Variants in GALNT13 observed in about 807,000 individuals in gnomAD.
GALNT13 encodes the protein UDP-GalNAc:polypeptide N-acetylgalactosaminyltransferase 13.
GALNT13 carries 28 observed loss-of-function variants against 64.2 expected under a neutral mutation model. The observed-to-expected ratio is 0.44, with a 90% CI of 0.32 to 0.60. The LOEUF is 0.60. Ranked by LOEUF, GALNT13 falls within the 20% of genes least tolerant of loss-of-function variation. The pLI is 0.05. For missense variants in GALNT13, 577 were observed against 669.8 expected, an observed-to-expected ratio of 0.86 and a Z score of 1.53; for synonymous variants, 214 against 224.6, an observed-to-expected ratio of 0.95 and a Z score of 0.42.
At chr2:153,301,046 G>A in the GALNT13 span, among the ~76,000 whole-genome samples, 1 of 151,870 alleles carries the variant, frequency 6.6e-6, no homozygotes, top group Admixed American at 6.6e-5. Context: ...TTTACAAAAA[G>A]ATACAAAAAT....
chr2:153,277,297 C>A, the GALNT13 span, among the ~76,000 whole-genome samples: 1 of 152,138 alleles, frequency 6.6e-6, no homozygotes, highest in East Asian at 1.9e-4. Context: ...TAAATGAGAA[C>A]ATGCTGTATT....
chr2:153,806,510 C>T, the GALNT13 span, among the ~76,000 whole-genome samples: 1 of 151,790 alleles, frequency 6.6e-6, no homozygotes, highest in African/African-American at 2.4e-5. Flanking sequence ...TTTGCAATCC[C>T]CATTGAATTA....
the GALNT13 span, among the ~76,000 whole-genome samples, chr2:153,341,033 T>C: frequency 1.3e-5 from 2 of 152,198 alleles, no homozygotes; most frequent in Non-Finnish European, 2.9e-5. Context: ...AAGCCCTCTA[T>C]GTGACTGTCA....
chr2:153,403,761 G>A, the GALNT13 span, among the ~76,000 whole-genome samples: 2 of 152,154 alleles, frequency 1.3e-5, no homozygotes, highest in African/African-American at 4.8e-5. Context: ...CTTCCCAAGT[G>A]AGGCAATGCC....
At position 153,946,759 on chromosome 2, in the gene GALNT13, A is replaced by G. The variant is rs187627744; in HGVS notation, c.142+2120A>G. On this transcript the variant is annotated intron_variant, in intron 3 of 12. Transcript: ENST00000392825. ...ATTTCAGTATATGAATTTTGCAGAG[A>G]CACAAACATTCAGTACATTGTACTA... is the stretch of plus-strand genomic sequence containing the variant. Among the ~76,000 whole-genome samples the G allele has an allele frequency of 1.8e-3, 268 of 152,226 alleles. 1 individual carries two copies. The highest frequency in any genetic ancestry group is 2.9e-3 in the African/African-American group (122 of 41,554).
chr2:154,156,922 CTAATAT>C (rs1412596757), intron 4 of GALNT13, among the ~76,000 whole-genome samples: 1 of 152,056 alleles, frequency 6.6e-6, no homozygotes, highest in Non-Finnish European at 1.5e-5. Flanking sequence ...AGAGACTGAT[CTAATAT>C]ATTAATGAGT....
chr2:153,599,409 TC>T, the GALNT13 span, among the ~76,000 whole-genome samples: 1 of 152,058 alleles, frequency 6.6e-6, no homozygotes, highest in Non-Finnish European at 1.5e-5. Context: ...CCTTTCTTGG[TC>T]TTTGGTAAGC....
the GALNT13 span, among the ~76,000 whole-genome samples, chr2:153,529,273 A>G: frequency 1.3e-5 from 2 of 152,094 alleles, no homozygotes; most frequent in Non-Finnish European, 2.9e-5. Flanking sequence ...ATTTGTGGCT[A>G]CTATGAGCAA....
At chr2:153,616,192 G>A in the GALNT13 span, among the ~76,000 whole-genome samples, 3 of 151,526 alleles carry the variant, frequency 2.0e-5, no homozygotes, top group African/African-American at 7.3e-5. Context: ...TTATTGAAGA[G>A]ACAGCTTTTT....
the GALNT13 span, among the ~76,000 whole-genome samples, chr2:153,755,659 T>G: frequency 1.3e-5 from 2 of 152,184 alleles, no homozygotes; most frequent in Non-Finnish European, 2.9e-5. Context: ...CCTTATCTGA[T>G]GCATGGCTTT....
intron 11 of GALNT13, among the ~76,000 whole-genome samples, chr2:154,419,914 A>G (rs1413431426): frequency 6.6e-6 from 1 of 152,164 alleles, no homozygotes; most frequent in Non-Finnish European, 1.5e-5. Context: ...GTTAAAGTAT[A>G]TCACCATCAT....
At chr2:154,311,001 T>TTCATAGAATATTCTATGAATATGTAG (rs1331147845) in intron 9 of GALNT13, among the ~76,000 whole-genome samples, 1 of 151,864 alleles carries the variant, frequency 6.6e-6, no homozygotes, top group Non-Finnish European at 1.5e-5. Context: ...TGAATATATA[T>TTCATAGAATATTCTATGAATATGTAG]GAATGACAAC....
chr2:153,744,582 G>T, the GALNT13 span, among the ~76,000 whole-genome samples: 2 of 151,958 alleles, frequency 1.3e-5, no homozygotes, highest in South Asian at 4.2e-4. Flanking sequence ...TCTTAGCTCC[G>T]TCTCAATGTC....
the GALNT13 span, among the ~76,000 whole-genome samples, chr2:153,663,813 T>G: frequency 4.6e-5 from 7 of 152,210 alleles, no homozygotes; most frequent in African/African-American, 1.7e-4. Context: ...AGATTGCTCC[T>G]AATTCCTTTC....
chr2:153,202,639 A>T, the GALNT13 span, among the ~76,000 whole-genome samples: 1 of 152,218 alleles, frequency 6.6e-6, no homozygotes, highest in Non-Finnish European at 1.5e-5. Flanking sequence ...CACATATGTA[A>T]CTATAGTGTT....
At chr2:153,743,351 T>C in the GALNT13 span, among the ~76,000 whole-genome samples, 1 of 152,092 alleles carries the variant, frequency 6.6e-6, no homozygotes, top group Non-Finnish European at 1.5e-5. Context: ...AGTACTGCAA[T>C]GAACGTGGAA....
At chr2:153,938,091 A>T (rs1212698644) in intron 2 of GALNT13, among the ~76,000 whole-genome samples, 2 of 152,226 alleles carry the variant, frequency 1.3e-5, no homozygotes, top group Non-Finnish European at 2.9e-5. Flanking sequence ...GCATATTGGT[A>T]ATAATGACTT....
intron 8 of GALNT13, among the ~76,000 whole-genome samples, chr2:154,264,752 C>A (rs991819965): frequency 6.8e-6 from 1 of 146,432 alleles, no homozygotes; most frequent in African/African-American, 2.5e-5. Flanking sequence ...CTAAAGCAAA[C>A]TTAGGAATTA....
chr2:153,767,938 G>C, the GALNT13 span, among the ~76,000 whole-genome samples: 14 of 152,146 alleles, frequency 9.2e-5, no homozygotes, highest in African/African-American at 3.4e-4. Flanking sequence ...ATGCTGTGCA[G>C]ACACTTTTTG....
Sources: gnomAD v4.1 joint callset for allele counts (sites outside exome capture counted in the v4.1 genomes callset) on GRCh38, gnomAD v4.1.1 for gene constraint, MANE v1.5 for transcripts, NCBI Gene and HGNC (gene_info 2026-07-23, HGNC 2026-07-21) for gene names.